The following GRM7 variants were observed in gnomAD, a reference collection of about 807,000 sequenced individuals.
GRM7 encodes the protein metabotropic glutamate receptor 7.
In GRM7, 35 loss-of-function variants were observed where a neutral mutation model predicts 84.5. That is an observed-to-expected ratio of 0.41 (90% CI 0.32 to 0.55). The LOEUF is 0.55. Among genes scored for constraint, GRM7 ranks in the 20% least tolerant of loss-of-function variants. The pLI, the probability that GRM7 is intolerant of heterozygous loss-of-function variation, is 0.19. For synonymous variants in GRM7, 487 were observed against 455.1 expected (o/e 1.07, Z -0.89); for missense variants, 1,003 against 1,194.6 (o/e 0.84, Z 2.36).
intron 8 of GRM7, among the ~76,000 whole-genome samples, chr3:7,600,587 C>T (rs570670125): frequency 2.2e-4 from 33 of 152,176 alleles, no homozygotes; most frequent in African/African-American, 7.5e-4. Flanking sequence ...ACCTGTGTGC[C>T]CTCTGGTGTT....
chr3:6,972,405 G>C (rs561049215), intron 1 of GRM7, among the ~76,000 whole-genome samples: 7 of 152,138 alleles, frequency 4.6e-5, no homozygotes, highest in African/African-American at 2.4e-5. Flanking sequence ...TAAGGGTAAA[G>C]GACGAGAAAA....
chr3:7,693,424 G>A (rs1417713584), intron 9 of GRM7, among the ~76,000 whole-genome samples: 1 of 151,170 alleles, frequency 6.6e-6, no homozygotes, highest in Non-Finnish European at 1.5e-5. Flanking sequence ...GCCCTATAAA[G>A]AAACTGGCCA....
chr3:7,312,401 C>T (rs910169336), intron 4 of GRM7, among the ~76,000 whole-genome samples: 1 of 151,962 alleles, frequency 6.6e-6, no homozygotes, highest in African/African-American at 2.4e-5. Context: ...AATCAGTAGA[C>T]TCATATGAGA....
intron 2 of GRM7, among the ~76,000 whole-genome samples, chr3:7,181,225 G>T (rs1260189836): frequency 1.3e-5 from 2 of 152,084 alleles, no homozygotes; most frequent in African/African-American, 4.8e-5. Context: ...ATAATGAGGG[G>T]ACATATGGCA....
intron 1 of GRM7, among the ~76,000 whole-genome samples, chr3:6,945,615 C>G (rs1018862796): frequency 2.6e-5 from 4 of 152,030 alleles, no homozygotes; most frequent in African/African-American, 9.7e-5. Context: ...ATTTCTAGTT[C>G]TAGATCCCTG....
rs142935375 is a variant in GRM7, at chr3:6,866,805, G to A, written c.519+4898G>A. On this transcript the variant is annotated intron_variant, in intron 1 of 9. Coordinates refer to ENST00000357716, the MANE Select transcript of GRM7 (RefSeq NM_000844.4). ...CTTCCTGGCCCCAGGGATGAGGTAC[G>A]TGGCCAGGTCAAATGAAGCAGGTGA... is the stretch of plus-strand genomic sequence containing the variant. 8.5e-5 allele frequency among the ~76,000 whole-genome samples: 13 copies of A among 152,294 alleles called. No individual in the cohort carries two copies. The East Asian group carries it at 1.7e-3, about 20-fold the overall frequency.
intron 1 of GRM7, among the ~76,000 whole-genome samples, chr3:6,933,668 C>T (rs1253089445): frequency 6.6e-6 from 1 of 151,618 alleles, no homozygotes; most frequent in South Asian, 2.1e-4. Flanking sequence ...GAATAAAGAT[C>T]AGTTATGTGC....
intron 8 of GRM7, among the ~76,000 whole-genome samples, chr3:7,587,172 T>A (rs1284854952): frequency 6.6e-6 from 1 of 152,338 alleles, no homozygotes; most frequent in African/African-American, 2.4e-5. Context: ...AATTGCTTTT[T>A]ACAGAAACCC....
chr3:6,886,764 T>G (rs1168822624), intron 1 of GRM7, among the ~76,000 whole-genome samples: 1 of 147,672 alleles, frequency 6.8e-6, no homozygotes, highest in Non-Finnish European at 1.5e-5. Context: ...GTAATTTAAC[T>G]GGTCAGTAAC....
chr3:7,379,339 C>T lies in GRM7; in HGVS notation c.1034-35684C>T, dbSNP rs146727213. ...AACTCCTGAGCACAGGCACTTCAAC[C>T]GCCTAGGCCTCCCAAAGTGCTAGGA... On this transcript the variant is annotated intron_variant, in intron 4 of 9. Coordinates refer to ENST00000357716, the MANE Select transcript of GRM7 (RefSeq NM_000844.4). Among the ~76,000 whole-genome samples the T allele has an allele frequency of 2.7e-3, 417 of 152,198 alleles. 1 individual carries two copies. The highest frequency in any genetic ancestry group is 0.016 in the South Asian group (78 of 4,818).
At chr3:7,229,720 C>CATAT (rs1304811132) in intron 2 of GRM7, among the ~76,000 whole-genome samples, 13 of 14,246 alleles carry the variant, frequency 9.1e-4, no homozygotes, top group Admixed American at 1.7e-3. Flanking sequence ...TCTCCATAGA[C>CATAT]ACACACATAT....
At chr3:7,429,515 C>G (rs1257186353) in intron 5 of GRM7, among the ~76,000 whole-genome samples, 1 of 152,100 alleles carries the variant, frequency 6.6e-6, no homozygotes, top group Non-Finnish European at 1.5e-5. Flanking sequence ...ATAGATTTAT[C>G]TTTTTTATGA....
intron 9 of GRM7, among the ~76,000 whole-genome samples, chr3:7,683,868 C>G (rs931531812): frequency 6.6e-6 from 1 of 152,190 alleles, no homozygotes; most frequent in Non-Finnish European, 1.5e-5. Context: ...TTCTAGGAAA[C>G]TCAATTTGAG....
chr3:7,042,930 T>C (rs1161744420), intron 1 of GRM7, among the ~76,000 whole-genome samples: 1 of 152,210 alleles, frequency 6.6e-6, no homozygotes, highest in Non-Finnish European at 1.5e-5. Flanking sequence ...TTCTAGGATG[T>C]ACTCAAGTTA....
chr3:7,575,780 G>A (rs1233142440), intron 7 of GRM7, among the ~76,000 whole-genome samples: 2 of 152,122 alleles, frequency 1.3e-5, no homozygotes, highest in South Asian at 2.1e-4. Flanking sequence ...TGCTTTAAAC[G>A]AAAATTGAAA....
intron 4 of GRM7, among the ~76,000 whole-genome samples, chr3:7,319,508 A>G (rs1700697067): frequency 6.6e-6 from 1 of 152,048 alleles, no homozygotes. Context: ...TATGGGTTCT[A>G]GCATTTGATA....
At chr3:6,976,291 A>G (rs554818891) in intron 1 of GRM7, among the ~76,000 whole-genome samples, 2 of 152,326 alleles carry the variant, frequency 1.3e-5, no homozygotes, top group Admixed American at 1.3e-4. Flanking sequence ...TTGTAGAGAA[A>G]ATGAAAACTT....
chr3:6,947,568 TA>T (rs1273895602), intron 1 of GRM7, among the ~76,000 whole-genome samples: 3 of 152,224 alleles, frequency 2.0e-5, no homozygotes, highest in Admixed American at 6.5e-5. Flanking sequence ...GCTGGCCTCA[TA>T]AAATGAGTTA....
intron 4 of GRM7, among the ~76,000 whole-genome samples, chr3:7,324,978 T>C (rs1460201842): frequency 6.6e-6 from 1 of 152,208 alleles, no homozygotes; most frequent in African/African-American, 2.4e-5. Flanking sequence ...ATCTCCTCAC[T>C]TAGCAGGCTA....
Sources: allele counts gnomAD v4.1 joint callset (sites outside exome capture counted in the v4.1 genomes callset), GRCh38; gene constraint gnomAD v4.1.1; transcripts MANE v1.5; gene names NCBI Gene and HGNC (gene_info 2026-07-23, HGNC 2026-07-21).